Variants in SAMMSON observed in about 807,000 individuals in gnomAD.
SAMMSON encodes long intergenic non-protein coding RNA 1212.
intron 6 of SAMMSON, among the ~76,000 whole-genome samples, chr3:70,286,633 T>C (rs1373356635): frequency 6.6e-6 from 1 of 152,086 alleles, no homozygotes; most frequent in Non-Finnish European, 1.5e-5. Flanking sequence ...GCATTGAATC[T>C]GTAAATTACC....
At chr3:70,289,622 G>A (rs891987642) in intron 6 of SAMMSON, among the ~76,000 whole-genome samples, 22 of 150,726 alleles carry the variant, frequency 1.5e-4, no homozygotes, top group Middle Eastern at 3.4e-3. Context: ...GCTAGATTGG[G>A]GAAATTCTCC....
chr3:70,182,257 A>C (rs1294141189), intron 4 of SAMMSON, among the ~76,000 whole-genome samples: 1 of 152,102 alleles, frequency 6.6e-6, no homozygotes, highest in Non-Finnish European at 1.5e-5. Flanking sequence ...GCTGAAAAAC[A>C]CTTGGCACAG....
chr3:70,334,197 T>C (rs978960275), intron 7 of SAMMSON, among the ~76,000 whole-genome samples: 5 of 152,198 alleles, frequency 3.3e-5, no homozygotes, highest in African/African-American at 4.8e-5. Flanking sequence ...ATTTAGGGAA[T>C]GAGCTCTTTG....
At chr3:70,037,005 A>G (rs913822244) in intron 3 of SAMMSON, among the ~76,000 whole-genome samples, 3 of 152,122 alleles carry the variant, frequency 2.0e-5, no homozygotes, top group African/African-American at 7.2e-5. Context: ...GAATGTCAAA[A>G]GGTAGAGAGG....
intron 4 of SAMMSON, among the ~76,000 whole-genome samples, chr3:70,216,393 C>A (rs960242839): frequency 6.6e-6 from 1 of 151,508 alleles, no homozygotes; most frequent in East Asian, 1.9e-4. Context: ...ATATATTAAC[C>A]CATTTAATAC....
chr3:70,280,268 C>G (rs1007954498), intron 6 of SAMMSON, among the ~76,000 whole-genome samples: 2 of 152,118 alleles, frequency 1.3e-5, no homozygotes, highest in African/African-American at 2.4e-5. Flanking sequence ...AATTTAGGTG[C>G]CACTCATGTG....
intron 4 of SAMMSON, among the ~76,000 whole-genome samples, chr3:70,245,286 T>G (rs1348815083): frequency 6.6e-6 from 1 of 152,106 alleles, no homozygotes; most frequent in Non-Finnish European, 1.5e-5. Flanking sequence ...TTTGGTGATA[T>G]AAAATTACTT....
intron 2 of SAMMSON, among the ~76,000 whole-genome samples, chr3:70,420,289 G>T (rs946856663): frequency 6.6e-6 from 1 of 152,100 alleles, no homozygotes; most frequent in African/African-American, 2.4e-5. Flanking sequence ...AATCATACAT[G>T]TAGTTGCTTC....
rs115173466 is a variant in SAMMSON, at chr3:70,026,250, C to T, written n.417+12578C>T. The stretch of plus-strand genomic sequence containing the variant: ...TATATTCTGTTTTAACTTCTGAGAA[C>T]AGGATTTCTGATTTCAGGAACTAGT... On this transcript the variant is annotated intron_variant and non_coding_transcript_variant, in intron 3 of 9. Transcript: ENST00000642114. Among the ~76,000 whole-genome samples, 1,450 of 152,186 alleles carry T rather than the reference C, an allele frequency of 9.5e-3. 10 individuals are homozygous for T. Among genetic ancestry groups the T allele is most frequent in the Non-Finnish European group, 0.014 (944 of 68,004 alleles).
intron 4 of SAMMSON, among the ~76,000 whole-genome samples, chr3:70,247,616 T>C (rs1701719846): frequency 6.6e-6 from 1 of 151,982 alleles, no homozygotes; most frequent in Admixed American, 6.6e-5. Flanking sequence ...ATTATATCTC[T>C]TTTAATCTTC....
chr3:70,332,381 T>G (rs573617341), intron 7 of SAMMSON, among the ~76,000 whole-genome samples: 5 of 152,300 alleles, frequency 3.3e-5, no homozygotes, highest in African/African-American at 1.2e-4. Flanking sequence ...AAGTCCCTTA[T>G]GAATGACTCC....
At chr3:70,220,524 AT>A (rs1701452855) in intron 4 of SAMMSON, among the ~76,000 whole-genome samples, 1 of 152,160 alleles carries the variant, frequency 6.6e-6, no homozygotes, top group Non-Finnish European at 1.5e-5. Context: ...CTGGTACAAA[AT>A]TGAATTTACT....
chr3:70,007,218 G>A (rs1030222818), intron 1 of SAMMSON, among the ~76,000 whole-genome samples: 9 of 152,046 alleles, frequency 5.9e-5, no homozygotes, highest in South Asian at 2.1e-4. Context: ...TTGAGGAATC[G>A]CCACCCTGAC....
chr3:70,242,567 A>G (rs1701674139), intron 4 of SAMMSON, among the ~76,000 whole-genome samples: 1 of 152,140 alleles, frequency 6.6e-6, no homozygotes, highest in African/African-American at 2.4e-5. Flanking sequence ...TCTCTGCTGC[A>G]TTAGTAATGC....
chr3:70,139,232 T>C (rs1181649564), intron 4 of SAMMSON, among the ~76,000 whole-genome samples: 1 of 152,190 alleles, frequency 6.6e-6, no homozygotes, highest in East Asian at 1.9e-4. Flanking sequence ...AGATGGGGTC[T>C]TGCTATATTG....
intron 3 of SAMMSON, among the ~76,000 whole-genome samples, chr3:70,045,593 G>GC (rs1260474749): frequency 1.3e-5 from 2 of 151,418 alleles, no homozygotes; most frequent in Non-Finnish European, 2.9e-5. Flanking sequence ...TGCTTCTTCC[G>GC]CCCCCACTCC....
intron 1 of SAMMSON, among the ~76,000 whole-genome samples, chr3:70,006,375 C>A (rs971117795): frequency 2.0e-5 from 3 of 152,116 alleles, no homozygotes; most frequent in African/African-American, 4.8e-5. Context: ...TATTAAGGGC[C>A]CGCCCTTCCC....
At chr3:70,199,806 C>T (rs1701219452) in intron 4 of SAMMSON, among the ~76,000 whole-genome samples, 1 of 152,170 alleles carries the variant, frequency 6.6e-6, no homozygotes, top group South Asian at 2.1e-4. Flanking sequence ...ATTCAAAGTC[C>T]TATCCCAGGA....
chr3:70,340,768 G>T (rs1351971048), intron 7 of SAMMSON, among the ~76,000 whole-genome samples: 1 of 152,120 alleles, frequency 6.6e-6, no homozygotes, highest in South Asian at 2.1e-4. Flanking sequence ...CTTGCACCTG[G>T]TCTCCTCCTG....
Sources: gnomAD v4.1 joint callset for allele counts (sites outside exome capture counted in the v4.1 genomes callset) on GRCh38, gnomAD v4.1.1 for gene constraint, MANE v1.5 for transcripts, NCBI Gene and HGNC (gene_info 2026-07-23, HGNC 2026-07-21) for gene names.